Variants in CDH13 observed in about 807,000 individuals in gnomAD.
The protein encoded by CDH13 is cadherin-13.
CDH13 carries 24 observed loss-of-function variants against 63.8 expected under a neutral mutation model. The ratio of observed to expected loss-of-function variants is 0.38; its 90% CI spans 0.27 to 0.53. The LOEUF (loss-of-function observed/expected upper bound fraction) is 0.53. Among genes scored for constraint, CDH13 ranks in the 20% least tolerant of loss-of-function variants. The pLI is 0.85. For synonymous variants in CDH13, 503 were observed against 355.3 expected, an observed-to-expected ratio of 1.42 and a Z score of -4.67; for missense variants, 1,049 against 903.1, an observed-to-expected ratio of 1.16 and a Z score of -2.07.
intron 2 of CDH13, among the ~76,000 whole-genome samples, chr16:82,960,642 G>T (rs1385485337): frequency 6.6e-6 from 1 of 152,116 alleles, no homozygotes; most frequent in African/African-American, 2.4e-5. Context: ...TTCCATTTCG[G>T]TATAGCAGGT....
intron 8 of CDH13, among the ~76,000 whole-genome samples, chr16:83,645,382 G>A (rs1598407192): frequency 6.6e-6 from 1 of 152,280 alleles, no homozygotes; most frequent in South Asian, 2.1e-4. Context: ...ACAATAGACA[G>A]TGAGGACTCC....
At chr16:82,930,039 C>CTTTTTTTT (rs71146098) in intron 2 of CDH13, among the ~76,000 whole-genome samples, 9 of 94,768 alleles carry the variant, frequency 9.5e-5, no homozygotes, top group East Asian at 3.0e-4. Flanking sequence ...TAGTTTGTCT[C>CTTTTTTTT]TTTTTTTTTT....
At chr16:83,015,132 T>C (rs1165196750) in intron 2 of CDH13, among the ~76,000 whole-genome samples, 1 of 151,926 alleles carries the variant, frequency 6.6e-6, no homozygotes, top group Non-Finnish European at 1.5e-5. Flanking sequence ...GGTAGAATAA[T>C]TTAATAATCA....
At chr16:83,608,262 A>T (rs1254595842) in intron 8 of CDH13, among the ~76,000 whole-genome samples, 1 of 152,196 alleles carries the variant, frequency 6.6e-6, no homozygotes, top group Non-Finnish European at 1.5e-5. Context: ...CCTGTCCTCC[A>T]GCTGGAAAAT....
chr16:83,186,996 A>T (rs1011161845), intron 4 of CDH13, among the ~76,000 whole-genome samples: 2 of 151,822 alleles, frequency 1.3e-5, no homozygotes, highest in Admixed American at 1.3e-4. Flanking sequence ...TTTGAGACGG[A>T]GTCTCGCTCT....
At chr16:83,029,145 C>G (rs925414391) in intron 2 of CDH13, among the ~76,000 whole-genome samples, 2 of 152,204 alleles carry the variant, frequency 1.3e-5, no homozygotes, top group Non-Finnish European at 2.9e-5. Context: ...AGTGCTCAAT[C>G]TGCATTATCC....
intron 3 of CDH13, among the ~76,000 whole-genome samples, chr16:83,098,869 A>C (rs76954309): frequency 3.3e-5 from 5 of 152,198 alleles, no homozygotes; most frequent in African/African-American, 1.2e-4. Context: ...GAAACAGATA[A>C]GACGTCAATG....
chr16:83,132,337 A>G (rs550768441), intron 4 of CDH13, among the ~76,000 whole-genome samples: 1 of 151,148 alleles, frequency 6.6e-6, no homozygotes, highest in South Asian at 2.1e-4. Flanking sequence ...TCATCCCTCT[A>G]CCTCTTTTAA....
At chr16:83,396,193 G>A (rs575359210) in intron 6 of CDH13, among the ~76,000 whole-genome samples, 2 of 152,098 alleles carry the variant, frequency 1.3e-5, no homozygotes, top group African/African-American at 2.4e-5. Flanking sequence ...CCAGTCTATC[G>A]TTGATGGGCA....
At chr16:82,811,354 A>T (rs1384964013) in intron 1 of CDH13, among the ~76,000 whole-genome samples, 1 of 152,196 alleles carries the variant, frequency 6.6e-6, no homozygotes, top group African/African-American at 2.4e-5. Context: ...ATACTTATGT[A>T]TTTAATAATA....
intron 1 of CDH13, among the ~76,000 whole-genome samples, chr16:82,803,134 G>T (rs1361143247): frequency 1.3e-5 from 2 of 152,168 alleles, no homozygotes; most frequent in African/African-American, 2.4e-5. Context: ...TTTTAAGTTT[G>T]TTGGCCAGTT....
chr16:82,629,415 G>A (rs981626539), intron 1 of CDH13, among the ~76,000 whole-genome samples: 2 of 152,184 alleles, frequency 1.3e-5, no homozygotes, highest in Non-Finnish European at 2.9e-5. Flanking sequence ...AAATCATTTT[G>A]ATGCAATCCA....
At chr16:82,677,249 T>C (rs2150954801) in intron 1 of CDH13, among the ~76,000 whole-genome samples, 1 of 152,340 alleles carries the variant, frequency 6.6e-6, no homozygotes. Flanking sequence ...ATCCTTTGTA[T>C]TTCAGGTCTA....
At chr16:82,785,706 T>C (rs1426045298) in intron 1 of CDH13, among the ~76,000 whole-genome samples, 2 of 152,246 alleles carry the variant, frequency 1.3e-5, no homozygotes, top group Non-Finnish European at 2.9e-5. Context: ...TTTAGAAAAC[T>C]TAGGAATCAA....
intron 6 of CDH13, among the ~76,000 whole-genome samples, chr16:83,459,278 T>TA (rs2077263938): frequency 6.6e-6 from 1 of 152,254 alleles, no homozygotes; most frequent in Non-Finnish European, 1.5e-5. Context: ...GACCACCTTT[T>TA]AATGCTTAAT....
intron 1 of CDH13, among the ~76,000 whole-genome samples, chr16:82,838,872 G>T (rs924583418): frequency 6.6e-6 from 1 of 152,158 alleles, no homozygotes; most frequent in South Asian, 2.1e-4. Flanking sequence ...CCTGCCCTCT[G>T]GCTTTTAGTG....
intron 6 of CDH13, among the ~76,000 whole-genome samples, chr16:83,477,054 C>T (rs1196868541): frequency 6.6e-6 from 1 of 152,114 alleles, no homozygotes; most frequent in Non-Finnish European, 1.5e-5. Flanking sequence ...CAGTTTTGGC[C>T]ATGTGTCACC....
chr16:83,691,957 T>C (rs1392470634), intron 10 of CDH13, among the ~76,000 whole-genome samples: 2 of 152,158 alleles, frequency 1.3e-5, no homozygotes, highest in African/African-American at 4.8e-5. Context: ...GGGTCTCTGA[T>C]TACCCCTTTT....
Position 82,807,050 on chromosome 16 carries a change from T to C in CDH13, c.46-51312T>C, listed in dbSNP as rs114676783. Among the ~76,000 whole-genome samples, 1,075 of 151,574 alleles carry C rather than the reference T, an allele frequency of 7.1e-3. 16 individuals carry two copies. The highest frequency in any genetic ancestry group is 0.025 in the African/African-American group (1,014 of 41,354). On this transcript the variant is annotated intron_variant, in intron 1 of 13. Coordinates refer to ENST00000567109, the MANE Select transcript of CDH13 (RefSeq NM_001257.5). ...TTCAGTCCAAATGACAAGTAACTTCTAGTTTCTAAGTATAAGCTTTTGCAG... is the reference window on the plus strand; with the variant it reads ...TTCAGTCCAAATGACAAGTAACTTCCAGTTTCTAAGTATAAGCTTTTGCAG...
Sources: allele counts gnomAD v4.1 joint callset (sites outside exome capture counted in the v4.1 genomes callset), GRCh38; gene constraint gnomAD v4.1.1; transcripts MANE v1.5; gene names NCBI Gene and HGNC (gene_info 2026-07-23, HGNC 2026-07-21).